Variants in SLC9C1 observed in about 807,000 individuals in gnomAD.
The protein encoded by SLC9C1 is solute carrier family 9 member C1.
In SLC9C1, 97 loss-of-function variants were observed where a neutral mutation model predicts 140.9. The observed-to-expected ratio is 0.69, with a 90% CI of 0.58 to 0.82. The LOEUF is 0.82. SLC9C1 is among the 40% of genes least tolerant of loss of function. The probability of loss-of-function intolerance (pLI) is 0.00; values close to 1 mark genes in which losing one functional copy is unlikely to be tolerated. For synonymous variants in SLC9C1, 440 were observed against 442.6 expected, an observed-to-expected ratio of 0.99 and a Z score of 0.07; for missense variants, 1,340 against 1,389.3, an observed-to-expected ratio of 0.96 and a Z score of 0.56.
At position 112,274,890 on chromosome 3, in the gene SLC9C1, T is replaced by C. The variant is rs759610410; in HGVS notation, c.613+7A>G. ...TGTTGAGAAAAATTTTTTAAAAATA[T>C]ACTTACCTAAGGTATGGTTTCTTTT... On this transcript the variant is annotated splice_region_variant and intron_variant, in intron 6 of 28. Coordinates refer to ENST00000305815, the MANE Select transcript of SLC9C1 (RefSeq NM_183061.3). The C allele has an allele frequency of 2.3e-5, 36 of 1,536,946 alleles. No homozygotes were observed. Among genetic ancestry groups the C allele is most frequent in the African/African-American group, 9.9e-5 (7 of 71,004 alleles).
At chr3:112,144,850 C>T (rs2074738773) in intron 28 of SLC9C1, among the ~76,000 whole-genome samples, 1 of 152,096 alleles carries the variant, frequency 6.6e-6, no homozygotes, top group South Asian at 2.1e-4. Flanking sequence ...TTGGTAGAGT[C>T]CTTAGGGTTT....
chr3:112,255,581 G>A (rs551850895), intron 10 of SLC9C1, among the ~76,000 whole-genome samples: 1 of 152,064 alleles, frequency 6.6e-6, no homozygotes, highest in Admixed American at 6.6e-5. Flanking sequence ...CACAGCTAAG[G>A]CAATGTCAAG....
At chr3:112,237,775 A>C (rs984308404) in intron 12 of SLC9C1, among the ~76,000 whole-genome samples, 11 of 152,082 alleles carry the variant, frequency 7.2e-5, no homozygotes, top group Non-Finnish European at 1.5e-5. Flanking sequence ...GAGAATGTTG[A>C]ATATTGGCCC....
At chr3:112,269,617 AT>A (rs1352545741) in intron 7 of SLC9C1, among the ~76,000 whole-genome samples, 1 of 152,116 alleles carries the variant, frequency 6.6e-6, no homozygotes, top group Non-Finnish European at 1.5e-5. Flanking sequence ...AACCATAATC[AT>A]TTTTTGTTCA....
intron 20 of SLC9C1, among the ~76,000 whole-genome samples, chr3:112,185,217 C>T (rs1192483284): frequency 6.6e-6 from 1 of 151,816 alleles, no homozygotes; most frequent in Middle Eastern, 3.4e-3. Context: ...GTCAGTCAGA[C>T]AGGCAAGGCC....
chr3:112,203,303 G>C (rs142487186), intron 17 of SLC9C1, among the ~76,000 whole-genome samples: 37 of 152,004 alleles, frequency 2.4e-4, no homozygotes, highest in African/African-American at 8.4e-4. Flanking sequence ...TGAACTATTT[G>C]TTAGGCTCTG....
At chr3:112,213,710 G>A (rs998959222) in intron 15 of SLC9C1, among the ~76,000 whole-genome samples, 4 of 152,160 alleles carry the variant, frequency 2.6e-5, no homozygotes, top group Non-Finnish European at 4.4e-5. Flanking sequence ...CATAAAGCAA[G>A]TTCTTAGAGA....
intron 20 of SLC9C1, among the ~76,000 whole-genome samples, chr3:112,183,082 C>T (rs1238513554): frequency 6.6e-6 from 1 of 152,070 alleles, no homozygotes; most frequent in Non-Finnish European, 1.5e-5. Context: ...TACAGATGTA[C>T]ATATTTCTAT....
intron 10 of SLC9C1, among the ~76,000 whole-genome samples, chr3:112,261,075 G>A (rs1188959786): frequency 6.6e-6 from 1 of 152,054 alleles, no homozygotes; most frequent in Non-Finnish European, 1.5e-5. Context: ...TTTGAAGAAA[G>A]ATCAGAGTGA....
intron 20 of SLC9C1, among the ~76,000 whole-genome samples, chr3:112,197,699 A>G (rs914072249): frequency 1.2e-4 from 19 of 152,160 alleles, no homozygotes; most frequent in African/African-American, 4.6e-4. Flanking sequence ...AGATTTCTGA[A>G]ACTTCCTACT....
chr3:112,215,834 T>C (rs2078349319), intron 15 of SLC9C1, among the ~76,000 whole-genome samples: 1 of 152,214 alleles, frequency 6.6e-6, no homozygotes, highest in Non-Finnish European at 1.5e-5. Flanking sequence ...ATGACTTTCT[T>C]CACAGAATTG....
At chr3:112,152,712 C>T (rs751316946) in intron 27 of SLC9C1, among the ~76,000 whole-genome samples, 1 of 152,158 alleles carries the variant, frequency 6.6e-6, no homozygotes, top group Non-Finnish European at 1.5e-5. Flanking sequence ...TTCCACAGTG[C>T]ATTGTGTCCC....
chr3:112,237,139 C>G (rs1010757279), intron 12 of SLC9C1, among the ~76,000 whole-genome samples: 3 of 152,148 alleles, frequency 2.0e-5, no homozygotes, highest in Non-Finnish European at 4.4e-5. Context: ...CTTTATGAAT[C>G]TAGGTGCTCC....
rs992807995 is a variant in SLC9C1 at position 112,233,296 on chromosome 3, G to A, written c.1447-1810C>T. On this transcript the variant is annotated intron_variant, in intron 12 of 28. Transcript: ENST00000305815. ...TTGCCAGGTTCGTCTCAAACTGCTT[G>A]GCTCAAGCAATTCACCTGCCTTGGC... 3.3e-5 allele frequency among the ~76,000 whole-genome samples: 5 copies of A among 151,922 alleles called. No individual in the cohort carries two copies. The South Asian group carries it at 1.0e-3, about 32-fold the overall frequency.
intron 26 of SLC9C1, among the ~76,000 whole-genome samples, chr3:112,160,987 T>C (rs980865055): frequency 6.6e-6 from 1 of 152,216 alleles, no homozygotes; most frequent in Admixed American, 6.5e-5. Flanking sequence ...TGGTATCTCA[T>C]TGTGGTTTTG....
intron 13 of SLC9C1, among the ~76,000 whole-genome samples, chr3:112,224,371 G>A (rs1436437906): frequency 1.3e-5 from 2 of 149,456 alleles, no homozygotes; most frequent in African/African-American, 4.9e-5. Flanking sequence ...TGTTTCACAA[G>A]ATCTGAAGAT....
At chr3:112,206,193 T>C (rs946010337) in intron 16 of SLC9C1, among the ~76,000 whole-genome samples, 2 of 147,940 alleles carry the variant, frequency 1.4e-5, no homozygotes, top group African/African-American at 5.0e-5. Flanking sequence ...GCAAAGGACA[T>C]GAACAGACAC....
At chr3:112,293,344 T>G (rs2080745423) in intron 1 of SLC9C1, among the ~76,000 whole-genome samples, 1 of 152,016 alleles carries the variant, frequency 6.6e-6, no homozygotes, top group African/African-American at 2.4e-5. Context: ...GTGGAGGAAA[T>G]TAATGACTGC....
At chr3:112,234,547 T>C (rs1312698601) in intron 12 of SLC9C1, among the ~76,000 whole-genome samples, 1 of 152,214 alleles carries the variant, frequency 6.6e-6, no homozygotes, top group Non-Finnish European at 1.5e-5. Context: ...CATGAAGTCC[T>C]TGCCCATGCC....
Sources: allele counts gnomAD v4.1 joint callset (sites outside exome capture counted in the v4.1 genomes callset), GRCh38; gene constraint gnomAD v4.1.1; transcripts MANE v1.5; gene names NCBI Gene and HGNC (gene_info 2026-07-23, HGNC 2026-07-21).